Variants in JAK2 observed in about 807,000 individuals in gnomAD.
JAK2 encodes the protein Janus kinase 2.
A neutral mutation model predicts 139.3 loss-of-function variants in JAK2; 86 were observed. The ratio of observed to expected loss-of-function variants is 0.62; its 90% CI spans 0.52 to 0.74. The LOEUF is 0.74. JAK2 is among the 30% of genes least tolerant of loss of function. The pLI is 0.00. For missense variants in JAK2, 1,421 were observed against 1,360.3 expected (o/e 1.04, Z -0.70); for synonymous variants, 490 against 437.7 (o/e 1.12, Z -1.49).
chr9:5,105,409 A>G (rs2130769469), intron 22 of JAK2, among the ~76,000 whole-genome samples: 1 of 152,348 alleles, frequency 6.6e-6, no homozygotes, highest in South Asian at 2.1e-4. Flanking sequence ...TCAATGAAAT[A>G]CAAGAGGACA....
intron 4 of JAK2, chr9:5,041,592 T>C (rs1272835942): frequency 8.0e-6 from 4 of 499,002 alleles, no homozygotes; most frequent in South Asian, 1.6e-5. Context: ...GCGCCTGGAC[T>C]TTGAGAAGCC....
chr9:5,033,812 C>T (rs549824949), intron 4 of JAK2, among the ~76,000 whole-genome samples: 1 of 152,132 alleles, frequency 6.6e-6, no homozygotes, highest in Admixed American at 6.5e-5. Flanking sequence ...ACCATCGAGG[C>T]TAGGAAGAAA....
At chr9:5,051,768 C>G (rs992829599) in intron 6 of JAK2, among the ~76,000 whole-genome samples, 3 of 152,160 alleles carry the variant, frequency 2.0e-5, no homozygotes, top group Admixed American at 1.3e-4. Context: ...CTCCCAATAA[C>G]TGGCTTCAGT....
intron 9 of JAK2, among the ~76,000 whole-genome samples, chr9:5,066,279 T>C (rs548397561): frequency 6.6e-6 from 1 of 152,262 alleles, no homozygotes; most frequent in Non-Finnish European, 1.5e-5. Context: ...ATTCAGATTT[T>C]TATGTCAGTA....
chr9:5,017,814 G>T (rs1433967508), intron 2 of JAK2, among the ~76,000 whole-genome samples: 2 of 152,150 alleles, frequency 1.3e-5, no homozygotes, highest in Non-Finnish European at 2.9e-5. Flanking sequence ...TGTTGTTGTT[G>T]TTTTGATACA....
chr9:5,019,454 A>G (rs1247165053), intron 2 of JAK2, among the ~76,000 whole-genome samples: 2 of 151,710 alleles, frequency 1.3e-5, no homozygotes, highest in African/African-American at 4.8e-5. Flanking sequence ...GTTTCTTTGT[A>G]TTGTTTATCT....
intron 22 of JAK2, among the ~76,000 whole-genome samples, chr9:5,117,891 T>C (rs960853587): frequency 2.0e-5 from 3 of 152,230 alleles, no homozygotes; most frequent in Non-Finnish European, 4.4e-5. Context: ...TATGAGGATC[T>C]AGGCCACTGG....
rs1817660001 is a variant in JAK2 at position 5,054,915 on chromosome 9, G to C, written c.936+31G>C. On this transcript the variant is annotated intron_variant, in intron 7 of 24. Coordinates refer to ENST00000381652, the MANE Select transcript of JAK2 (RefSeq NM_004972.4). The surrounding 1 kb of genome is among the most constrained non-coding windows in gnomAD (Gnocchi z 4.9). ...CCTTAATGATATGTTCTTGTTCTTT[G>C]TTATTTTAAGTACAATGGAAATAAA... is the stretch of plus-strand genomic sequence containing the variant. 4 of 1,418,338 alleles carry C rather than the reference G, an allele frequency of 2.8e-6. No individual in the cohort carries two copies. Among genetic ancestry groups the C allele is most frequent in the Non-Finnish European group, 3.9e-6 (4 of 1,038,168 alleles). The allele number at this position is 1,418,338 out of a possible 1,614,324, so 87.9% of individuals were successfully genotyped here.
At chr9:5,010,218 A>G (rs1821602391) in intron 2 of JAK2, among the ~76,000 whole-genome samples, 1 of 152,110 alleles carries the variant, frequency 6.6e-6, no homozygotes, top group African/African-American at 2.4e-5. Context: ...CGTTTATATA[A>G]ACTTTTAATT....
At chr9:5,104,364 G>A (rs1384675219) in intron 22 of JAK2, among the ~76,000 whole-genome samples, 2 of 152,148 alleles carry the variant, frequency 1.3e-5, no homozygotes, top group African/African-American at 2.4e-5. Context: ...ACTAAACCAG[G>A]AAGAAGTTGA....
intron 2 of JAK2, among the ~76,000 whole-genome samples, chr9:5,020,767 G>C (rs966064383): frequency 6.6e-6 from 1 of 152,146 alleles, no homozygotes; most frequent in Non-Finnish European, 1.5e-5. Context: ...CCAATGGCTT[G>C]TGCTTTGGTC....
intron 4 of JAK2, among the ~76,000 whole-genome samples, chr9:5,043,050 G>A (rs146326617): frequency 0.012 from 1,877 of 152,328 alleles, 23 homozygotes; most frequent in Non-Finnish European, 0.02. Context: ...AGGCGCGCGG[G>A]CTCGTGGCTT....
chr9:5,023,169 A>G (rs1399177332), intron 3 of JAK2, among the ~76,000 whole-genome samples: 1 of 152,114 alleles, frequency 6.6e-6, no homozygotes, highest in Non-Finnish European at 1.5e-5. Flanking sequence ...CTTCCCACCC[A>G]TATAACCTTG....
chr9:5,015,871 C>T (rs780881808), intron 2 of JAK2, among the ~76,000 whole-genome samples: 2 of 151,704 alleles, frequency 1.3e-5, no homozygotes, highest in Non-Finnish European at 2.9e-5. Flanking sequence ...GTTCTAAACA[C>T]GATTGTGTCA....
At chr9:5,041,768 GC>G (rs1816551735) in intron 4 of JAK2, 1 of 488,248 alleles carries the variant, frequency 2.0e-6, no homozygotes, top group Non-Finnish European at 4.1e-6. Flanking sequence ...ACACCGACCT[GC>G]CCTCCCAGCC....
intron 22 of JAK2, among the ~76,000 whole-genome samples, chr9:5,104,676 C>G (rs573857739): frequency 1.7e-4 from 26 of 152,270 alleles, no homozygotes; most frequent in African/African-American, 6.0e-4. Flanking sequence ...ACTGGCAAAC[C>G]CAATCCAGCA....
intron 8 of JAK2, among the ~76,000 whole-genome samples, chr9:5,064,147 C>G (rs923761407): frequency 2.6e-5 from 4 of 151,796 alleles, no homozygotes; most frequent in African/African-American, 9.7e-5. Context: ...CAGAGCAAGA[C>G]TCTGACTGGG....
Position 5,090,813 on chromosome 9 carries a change from G to C in JAK2, c.2961G>C (p.Glu987Asp). The change falls in exon 22 of 25, where the codon GAG (glutamate) becomes GAC (aspartate). Residue 987 changes from glutamate to aspartate, a missense_variant. Transcript: ENST00000381652. Reference protein sequence around the residue: ...LATRNILVENENRVKIGDFGL... With the variant: ...LATRNILVENDNRVKIGDFGL... ...CGAGAAATATATTGGTGGAGAACGAGAACAGAGTTAAAATTGGAGATTTTG... is the reference window on the plus strand; with the variant it reads ...CGAGAAATATATTGGTGGAGAACGACAACAGAGTTAAAATTGGAGATTTTG... 6.2e-7 allele frequency: 1 copy of C among 1,613,572 alleles called. No individual in the cohort carries two copies.
At chr9:5,017,980 G>A (rs914566879) in intron 2 of JAK2, among the ~76,000 whole-genome samples, 1 of 152,118 alleles carries the variant, frequency 6.6e-6, no homozygotes. Context: ...TTCAGTCTAT[G>A]TGTATCTTTA....
Sources: allele counts gnomAD v4.1 joint callset (sites outside exome capture counted in the v4.1 genomes callset), GRCh38; gene constraint gnomAD v4.1.1; non-coding constraint Gnocchi (gnomAD v3.1); transcripts MANE v1.5; gene names NCBI Gene and HGNC (gene_info 2026-07-23, HGNC 2026-07-21).